The following TASP1 variants were observed in gnomAD, a reference collection of about 807,000 sequenced individuals.
TASP1 encodes the protein taspase 1.
TASP1 carries 16 observed loss-of-function variants against 56.6 expected under a neutral mutation model. The observed-to-expected ratio is 0.28, with a 90% CI of 0.19 to 0.43. The LOEUF (loss-of-function observed/expected upper bound fraction) is 0.43. TASP1 is among the 20% of genes least tolerant of loss of function. The pLI, the probability that TASP1 is intolerant of heterozygous loss-of-function variation, is 1.00. For missense variants in TASP1, 393 were observed against 511.6 expected, an observed-to-expected ratio of 0.77 and a Z score of 2.24; for synonymous variants, 179 against 184.2, an observed-to-expected ratio of 0.97 and a Z score of 0.23.
At chr20:13,127,647 T>A in the TASP1 span, among the ~76,000 whole-genome samples, 9 of 152,218 alleles carry the variant, frequency 5.9e-5, no homozygotes, top group Non-Finnish European at 1.0e-4. Flanking sequence ...CTAGTTAAAG[T>A]AGTGTCTTCA....
At chr20:13,114,763 A>T in the TASP1 span, among the ~76,000 whole-genome samples, 1 of 151,988 alleles carries the variant, frequency 6.6e-6, no homozygotes, top group Non-Finnish European at 1.5e-5. Flanking sequence ...GTTTTGAGTT[A>T]CACTTTGGGC....
At chr20:13,332,315 A>AT in the TASP1 span, among the ~76,000 whole-genome samples, 1 of 151,270 alleles carries the variant, frequency 6.6e-6, no homozygotes, top group South Asian at 2.1e-4. Flanking sequence ...AGGTACTGAA[A>AT]TATAAAGCTG....
chr20:13,217,224 G>A, the TASP1 span, among the ~76,000 whole-genome samples: 4 of 152,216 alleles, frequency 2.6e-5, no homozygotes, highest in Admixed American at 6.5e-5. Context: ...AATCTGAAAC[G>A]GAGGAAATTT....
intron 10 of TASP1, among the ~76,000 whole-genome samples, chr20:13,524,470 C>T (rs761580738): frequency 6.1e-4 from 93 of 151,976 alleles, no homozygotes; most frequent in Non-Finnish European, 2.8e-4. Flanking sequence ...CAGGGAGGAC[C>T]CACACATACA....
intron 4 of TASP1, 45 bp downstream of exon 4, chr20:13,623,401 A>T: frequency 6.6e-7 from 1 of 1,512,012 alleles, no homozygotes; most frequent in Non-Finnish European, 9.1e-7. Flanking sequence ...AGAACAATAA[A>T]GATAAACTCA....
the TASP1 span, among the ~76,000 whole-genome samples, chr20:13,267,155 C>T: frequency 1.3e-5 from 2 of 152,164 alleles, no homozygotes; most frequent in East Asian, 1.9e-4. Context: ...TTCTTAACAG[C>T]TTGGGGGCAT....
chr20:13,221,866 C>A, the TASP1 span: 4 of 1,418,512 alleles, frequency 2.8e-6, no homozygotes, highest in African/African-American at 3.0e-5. Context: ...CGGGAGCCGC[C>A]GACGGGCCCG....
intron 10 of TASP1, among the ~76,000 whole-genome samples, chr20:13,508,009 A>G (rs113219327): frequency 7.9e-5 from 12 of 152,312 alleles, no homozygotes; most frequent in African/African-American, 2.9e-4. Context: ...TCGGGTTGAA[A>G]AAACTGAATA....
At chr20:13,324,979 C>A in the TASP1 span, among the ~76,000 whole-genome samples, 1 of 152,178 alleles carries the variant, frequency 6.6e-6, no homozygotes, top group Admixed American at 6.5e-5. Context: ...ATATTTGTTT[C>A]TTTTCGGCTT....
intron 9 of TASP1, among the ~76,000 whole-genome samples, chr20:13,531,678 T>C (rs1363120522): frequency 6.6e-6 from 1 of 151,898 alleles, no homozygotes; most frequent in Non-Finnish European, 1.5e-5. Context: ...TGTTTTGTTT[T>C]GTTTTGACAC....
chr20:13,261,425 C>CAA, the TASP1 span, among the ~76,000 whole-genome samples: 1 of 105,244 alleles, frequency 9.5e-6, no homozygotes, highest in African/African-American at 3.6e-5. Context: ...AACTCTGTCT[C>CAA]AAAAAAAAAA....
At chr20:13,205,672 A>T in the TASP1 span, among the ~76,000 whole-genome samples, 1 of 152,188 alleles carries the variant, frequency 6.6e-6, no homozygotes. Context: ...CTCATGACCC[A>T]ACTACTTCCC....
At chr20:13,369,008 T>C in the TASP1 span, among the ~76,000 whole-genome samples, 2 of 152,190 alleles carry the variant, frequency 1.3e-5, no homozygotes, top group Non-Finnish European at 1.5e-5. Flanking sequence ...AATACAGATA[T>C]ATTCAGGGTG....
At chr20:13,211,507 A>G in the TASP1 span, among the ~76,000 whole-genome samples, 1 of 152,148 alleles carries the variant, frequency 6.6e-6, no homozygotes, top group African/African-American at 2.4e-5. Flanking sequence ...TTAGTAAAAT[A>G]GGCAAAATTG....
At chr20:13,140,681 TA>T in the TASP1 span, among the ~76,000 whole-genome samples, 1 of 152,230 alleles carries the variant, frequency 6.6e-6, no homozygotes, top group Non-Finnish European at 1.5e-5. Flanking sequence ...TTCTATTTTT[TA>T]TTCAGTTATT....
chr20:13,274,378 G>C, the TASP1 span, among the ~76,000 whole-genome samples: 2 of 152,178 alleles, frequency 1.3e-5, no homozygotes, highest in African/African-American at 2.4e-5. Context: ...CTGGGTAGCA[G>C]AGTGAAGTCA....
At chr20:13,198,757 T>C in the TASP1 span, among the ~76,000 whole-genome samples, 1 of 152,198 alleles carries the variant, frequency 6.6e-6, no homozygotes, top group Non-Finnish European at 1.5e-5. Context: ...TTGTTTTTTC[T>C]GGGCTTTTTT....
the TASP1 span, among the ~76,000 whole-genome samples, chr20:13,123,377 G>A: frequency 6.6e-6 from 1 of 151,140 alleles, no homozygotes; most frequent in Admixed American, 6.6e-5. Flanking sequence ...CTGTTTCACT[G>A]TGTACCAGAT....
At chr20:13,605,473 T>C (rs2048114679) in intron 4 of TASP1, among the ~76,000 whole-genome samples, 1 of 152,180 alleles carries the variant, frequency 6.6e-6, no homozygotes, top group Non-Finnish European at 1.5e-5. Flanking sequence ...AGGTCGGCGG[T>C]TTGAGACCAG....
Sources: gnomAD v4.1 joint callset for allele counts (sites outside exome capture counted in the v4.1 genomes callset) on GRCh38, gnomAD v4.1.1 for gene constraint, MANE v1.5 for transcripts, NCBI Gene and HGNC (gene_info 2026-07-23, HGNC 2026-07-21) for gene names.